Variants in PAWR observed in about 807,000 individuals in gnomAD.
PAWR encodes pro-apoptotic WT1 regulator.
PAWR carries 23 observed loss-of-function variants against 32.0 expected under a neutral mutation model. The ratio of observed to expected loss-of-function variants is 0.72; its 90% CI spans 0.52 to 1.02. PAWR has a LOEUF of 1.02. Ranked by LOEUF, PAWR falls within the 50% of genes least tolerant of loss-of-function variation. The pLI is 0.00. For missense variants in PAWR, 457 were observed against 437.7 expected (o/e 1.04, Z -0.39); for synonymous variants, 226 against 187.1 (o/e 1.21, Z -1.70).
intron 6 of PAWR, 116 bp from the exon 7 acceptor site, chr12:79,592,809 A>G: frequency 1.8e-6 from 1 of 550,180 alleles, no homozygotes; most frequent in East Asian, 3.2e-5. Context: ...AATGAGGGCA[A>G]GCTCTGAAAA....
chr12:79,601,702 G>C (rs1454084985), intron 4 of PAWR, among the ~76,000 whole-genome samples: 2 of 152,088 alleles, frequency 1.3e-5, no homozygotes, highest in African/African-American at 2.4e-5. Flanking sequence ...TGGTACAAAA[G>C]TTTGTTCTCA....
intron 4 of PAWR, among the ~76,000 whole-genome samples, chr12:79,607,850 G>A (rs1395146284): frequency 6.6e-6 from 1 of 152,038 alleles, no homozygotes; most frequent in East Asian, 1.9e-4. Flanking sequence ...AAGAACTACT[G>A]GTTAAAACAA....
intron 2 of PAWR, among the ~76,000 whole-genome samples, chr12:79,637,759 G>A (rs1876031369): frequency 6.6e-6 from 1 of 151,416 alleles, no homozygotes; most frequent in South Asian, 2.1e-4. Context: ...TAGAAAGCTT[G>A]GGAACTGAGT....
intron 2 of PAWR, among the ~76,000 whole-genome samples, chr12:79,632,435 T>G (rs1353238081): frequency 6.9e-6 from 1 of 145,544 alleles, no homozygotes; most frequent in Admixed American, 6.9e-5. Context: ...CATGGGTCAC[T>G]GCAGCCTTGA....
intron 2 of PAWR, among the ~76,000 whole-genome samples, chr12:79,641,942 T>C (rs1876347064): frequency 6.9e-6 from 1 of 144,138 alleles, no homozygotes; most frequent in African/African-American, 2.5e-5. Context: ...GAATCACAAA[T>C]ATTTGAGATG....
chr12:79,679,904 A>G (rs1878357712), intron 2 of PAWR, among the ~76,000 whole-genome samples: 1 of 152,138 alleles, frequency 6.6e-6, no homozygotes, highest in Non-Finnish European at 1.5e-5. Context: ...AGCGATCATT[A>G]TTAGTATACT....
rs75853179 is a variant in PAWR at position 79,640,972 on chromosome 12, T to C, written c.517-19765A>G. On this transcript the variant is annotated intron_variant, in intron 2 of 6. Transcript: ENST00000328827. ...TAACTAAATTGTATATTCTGTTACA[T>C]TGGCGGTGGTTACATACTAAAGAAA... Among the ~76,000 whole-genome samples, 709 of 152,270 alleles carry C rather than the reference T, an allele frequency of 4.7e-3. 9 individuals carry two copies. Among genetic ancestry groups the C allele is most frequent in the African/African-American group, 0.015 (640 of 41,546 alleles).
chr12:79,690,183 T>A lies in PAWR; in HGVS notation c.62A>T (p.Glu21Val). The A allele has an allele frequency of 6.5e-7, 1 of 1,532,480 alleles. No individual in the cohort carries two copies. Among genetic ancestry groups the A allele is most frequent in the Non-Finnish European group, 8.7e-7 (1 of 1,143,148 alleles). 94.9% of individuals were successfully genotyped at this position (1,532,480 alleles called of 1,614,324 possible). A position where few individuals can be genotyped will look rare whatever the true frequency, so the allele number is the denominator to read the frequency against. ...CTTCTCGCGTTTCGCCTTCCACTCCTCCAGGAAGTCTGTGGTGCTGCCGCC... is the reference window on the plus strand; with the variant it reads ...CTTCTCGCGTTTCGCCTTCCACTCCACCAGGAAGTCTGTGGTGCTGCCGCC... ...GLGGSTTDFL[E>V]EWKAKREKMR... Residue 21 changes from glutamate (E) to valine (V), a missense_variant, in exon 2 of 7, where the codon GAG becomes GTG. Transcript: ENST00000328827.
In PAWR at chr12:79,639,539, A is replaced by G. The variant is rs529093666; in HGVS notation, c.517-18332T>C. Among the ~76,000 whole-genome samples the G allele has an allele frequency of 2.0e-5, 3 of 152,268 alleles. No homozygotes were observed. The East Asian group carries it at 5.8e-4, about 29-fold the overall frequency. On this transcript the variant is annotated intron_variant, in intron 2 of 6. Coordinates refer to ENST00000328827, the MANE Select transcript of PAWR (RefSeq NM_002583.4). ...TTAGCCTCAACTGGTCCCTCTCAAG[A>G]AACTTCACACTCTTGTTTAAATTTC...
chr12:79,620,368 G>C lies in PAWR; in HGVS notation c.648+708C>G, dbSNP rs182617122. 2.0e-5 allele frequency among the ~76,000 whole-genome samples: 3 copies of C among 152,238 alleles called. No individual in the cohort carries two copies. In the East Asian group the frequency reaches 5.8e-4, roughly 29 times the overall value. On this transcript the variant is annotated intron_variant, in intron 3 of 6. Coordinates refer to ENST00000328827, the MANE Select transcript of PAWR (RefSeq NM_002583.4). ...GAGAAAACACAGTGGCTCAGATCAG[G>C]GTATCAGAACCTGTCATAAAGAAGA...
chr12:79,662,729 A>G (rs1372772410), intron 2 of PAWR, among the ~76,000 whole-genome samples: 1 of 152,208 alleles, frequency 6.6e-6, no homozygotes, highest in Non-Finnish European at 1.5e-5. Flanking sequence ...CCATTTACAC[A>G]AAGGCTTGAA....
chr12:79,680,682 T>C (rs1012072125), intron 2 of PAWR, among the ~76,000 whole-genome samples: 3 of 151,944 alleles, frequency 2.0e-5, no homozygotes, highest in Non-Finnish European at 4.4e-5. Context: ...ACCACCAACT[T>C]CCCAGTGAAA....
chr12:79,669,450 T>C (rs902410499), intron 2 of PAWR, among the ~76,000 whole-genome samples: 1 of 152,158 alleles, frequency 6.6e-6, no homozygotes, highest in Admixed American at 6.5e-5. Context: ...TTGGGACATA[T>C]GATTTTCGTA....
At chr12:79,675,907 C>A (rs973155502) in intron 2 of PAWR, among the ~76,000 whole-genome samples, 6 of 151,898 alleles carry the variant, frequency 4.0e-5, no homozygotes, top group Non-Finnish European at 7.4e-5. Context: ...ATAATAACAG[C>A]AAGCTTAATA....
intron 2 of PAWR, among the ~76,000 whole-genome samples, chr12:79,648,149 C>T (rs867530567): frequency 6.6e-6 from 1 of 152,182 alleles, no homozygotes; most frequent in Admixed American, 6.5e-5. Context: ...ATGGCGACCC[C>T]TGTTCTAACA....
rs558762665 is a variant in PAWR at position 79,655,755 on chromosome 12, T to C, written c.516+33974A>G. Among the ~76,000 whole-genome samples the C allele has an allele frequency of 2.6e-5, 4 of 152,356 alleles. No individual in the cohort carries two copies. The South Asian group carries it at 6.2e-4, about 24-fold the overall frequency. ...ACTTCAAGCTTTTGCCCTCAGAGCA[T>C]CTTTCTCTATAGTCAAGTATGATTA... On this transcript the variant is annotated intron_variant, in intron 2 of 6. Coordinates refer to ENST00000328827, the MANE Select transcript of PAWR (RefSeq NM_002583.4).
chr12:79,659,442 T>C (rs61346527), intron 2 of PAWR, among the ~76,000 whole-genome samples: 2,247 of 152,316 alleles, frequency 0.015, 64 homozygotes, highest in African/African-American at 0.051. Context: ...TTATTTGTTC[T>C]TGTCATTAAA....
At chr12:79,618,137 G>A (rs1270547492) in intron 3 of PAWR, among the ~76,000 whole-genome samples, 1 of 146,632 alleles carries the variant, frequency 6.8e-6, no homozygotes, top group South Asian at 2.2e-4. Context: ...TTTTTTTTTT[G>A]TTTCTTTTTT....
intron 2 of PAWR, among the ~76,000 whole-genome samples, chr12:79,654,179 C>T (rs932988872): frequency 1.3e-5 from 2 of 152,154 alleles, no homozygotes; most frequent in African/African-American, 2.4e-5. Context: ...TGTTTGGTTA[C>T]ATCAAATGAT....
Sources: gnomAD v4.1 joint callset for allele counts (sites outside exome capture counted in the v4.1 genomes callset) on GRCh38, gnomAD v4.1.1 for gene constraint, MANE v1.5 for transcripts, NCBI Gene and HGNC (gene_info 2026-07-23, HGNC 2026-07-21) for gene names.